LARP4B: variants seen among roughly 807,000 people sequenced by gnomAD.
The protein encoded by LARP4B is la-related protein 4B.
In LARP4B, 12 loss-of-function variants were observed where a neutral mutation model predicts 89.8. The ratio of observed to expected loss-of-function variants is 0.13; its 90% CI spans 0.09 to 0.22. The LOEUF (loss-of-function observed/expected upper bound fraction) is 0.22. Ranked by LOEUF, LARP4B falls within the 10% of genes least tolerant of loss-of-function variation. The pLI, the probability that LARP4B is intolerant of heterozygous loss-of-function variation, is 1.00. For synonymous variants in LARP4B, 367 were observed against 363.3 expected (o/e 1.01, Z -0.12); for missense variants, 757 against 947.7 (o/e 0.80, Z 2.64).
At chr10:984,725 C>G in the LARP4B span, among the ~76,000 whole-genome samples, 1 of 152,156 alleles carries the variant, frequency 6.6e-6, no homozygotes, top group Non-Finnish European at 1.5e-5. Context: ...CAATTCATGA[C>G]CAGCCTGGAC....
chr10:912,708 C>CAAAA (rs60998261), intron 1 of LARP4B, among the ~76,000 whole-genome samples: 106 of 91,228 alleles, frequency 1.2e-3, no homozygotes, highest in Non-Finnish European at 1.8e-3. Context: ...CTCGTCTTGA[C>CAAAA]AAAAAAAAAA....
At chr10:878,434 T>C (rs1265083777) in intron 3 of LARP4B, among the ~76,000 whole-genome samples, 1 of 152,014 alleles carries the variant, frequency 6.6e-6, no homozygotes, top group African/African-American at 2.4e-5. Context: ...CACCCCTGCG[T>C]GACTCATGTA....
chr10:858,924 G>A (rs1171110970), intron 5 of LARP4B, among the ~76,000 whole-genome samples: 3 of 152,214 alleles, frequency 2.0e-5, no homozygotes, highest in Non-Finnish European at 4.4e-5. Flanking sequence ...GGCCGAGGCA[G>A]ACAGATCACC....
chr10:973,593 T>C, the LARP4B span, among the ~76,000 whole-genome samples: 9 of 152,034 alleles, frequency 5.9e-5, no homozygotes, highest in African/African-American at 1.7e-4. Context: ...CCTCGTGGTC[T>C]CCCTGCCTCG....
At chr10:871,785 G>C (rs1383535063) in intron 3 of LARP4B, among the ~76,000 whole-genome samples, 1 of 152,066 alleles carries the variant, frequency 6.6e-6, no homozygotes, top group East Asian at 1.9e-4. Flanking sequence ...ATTCTATCTA[G>C]ACCAACAGGA....
At position 923,906 on chromosome 10, in the gene LARP4B, AC is replaced by A. The variant is rs545473540; in HGVS notation, c.-40+7521del. Reference sequence around the variant, plus strand: ...ATCTGAAATAACAAATATACTTTAAACAACTGGCAAATATTAGCAAATTTAA... The same window carrying A: ...ATCTGAAATAACAAATATACTTTAAAAACTGGCAAATATTAGCAAATTTAA... On this transcript the variant is annotated intron_variant, in intron 1 of 17. Coordinates refer to ENST00000316157, the MANE Select transcript of LARP4B (RefSeq NM_015155.3). Among the ~76,000 whole-genome samples the A allele has an allele frequency of 1.5e-4, 23 of 152,340 alleles. No homozygotes were observed. In the East Asian group the frequency reaches 4.2e-3, roughly 28 times the overall value.
At chr10:863,701 G>C in intron 5 of LARP4B, 42 bp downstream of exon 5, 1 of 1,545,576 alleles carries the variant, frequency 6.5e-7, no homozygotes, top group Non-Finnish European at 8.7e-7. Flanking sequence ...AAATAAAGCA[G>C]CCCATATTCC....
In LARP4B at chr10:836,526, C is replaced by G. The variant is rs1833226169; in HGVS notation, c.647-20G>C. ...GTAAAGCTACAAAGAGAAGAAAAAT[C>G]AATGGTGAAACAAAAATATTAAAAT... On this transcript the variant is annotated intron_variant, in intron 7 of 17. Transcript: ENST00000316157. 9 of 1,475,052 alleles carry G rather than the reference C, an allele frequency of 6.1e-6. No individual in the cohort carries two copies. The highest frequency in any genetic ancestry group is 8.5e-6 in the Non-Finnish European group (9 of 1,057,524). 91.4% of individuals were successfully genotyped at this position (1,475,052 alleles called of 1,614,324 possible).
At chr10:927,388 A>G (rs1397233929) in intron 1 of LARP4B, among the ~76,000 whole-genome samples, 1 of 152,170 alleles carries the variant, frequency 6.6e-6, no homozygotes, top group Non-Finnish European at 1.5e-5. Flanking sequence ...AAGCATTAGA[A>G]CGTTAGGGGA....
chr10:826,483 G>T (rs1832630861), intron 11 of LARP4B, among the ~76,000 whole-genome samples: 1 of 152,190 alleles, frequency 6.6e-6, no homozygotes, highest in African/African-American at 2.4e-5. Flanking sequence ...ACCCCTAAAA[G>T]ATCTTAAGTA....
intron 7 of LARP4B, among the ~76,000 whole-genome samples, chr10:840,293 G>A (rs1369568625): frequency 6.6e-6 from 1 of 151,950 alleles, no homozygotes; most frequent in Non-Finnish European, 1.5e-5. Context: ...TTCATGCCTC[G>A]CCCAACTCAC....
chr10:915,516 T>G (rs1008750231), intron 1 of LARP4B, among the ~76,000 whole-genome samples: 1 of 152,200 alleles, frequency 6.6e-6, no homozygotes, highest in Non-Finnish European at 1.5e-5. Context: ...AAAGTTTTTG[T>G]TTTTTTGGCC....
intron 1 of LARP4B, among the ~76,000 whole-genome samples, chr10:904,772 C>T (rs1450283423): frequency 6.6e-6 from 1 of 152,134 alleles, no homozygotes; most frequent in African/African-American, 2.4e-5. Flanking sequence ...ATCATTTCCT[C>T]ACTGTATTAA....
intron 13 of LARP4B, among the ~76,000 whole-genome samples, chr10:821,155 T>G (rs1415148641): frequency 6.6e-6 from 1 of 152,212 alleles, no homozygotes; most frequent in Admixed American, 6.5e-5. Context: ...GAACATCCAC[T>G]GGGTGGAAAT....
At chr10:942,222 A>G in the LARP4B span, 2 of 152,244 alleles carry the variant, frequency 1.3e-5, no homozygotes, top group Non-Finnish European at 2.9e-5. Context: ...TGATGGAGAC[A>G]GCTCAGGAAT....
chr10:910,179 T>C (rs79427991), intron 1 of LARP4B, among the ~76,000 whole-genome samples: 7,017 of 152,296 alleles, frequency 0.046, 216 homozygotes, highest in South Asian at 0.11. Flanking sequence ...TTATGTTATT[T>C]TGATGTACAT....
chr10:970,053 G>A, the LARP4B span, among the ~76,000 whole-genome samples: 5 of 152,202 alleles, frequency 3.3e-5, no homozygotes, highest in African/African-American at 7.2e-5. Context: ...TCCCAGGGCC[G>A]TCGGGCAGTG....
intron 5 of LARP4B, among the ~76,000 whole-genome samples, chr10:854,013 A>G (rs1230760382): frequency 6.6e-6 from 1 of 152,238 alleles, no homozygotes; most frequent in Non-Finnish European, 1.5e-5. Context: ...GGAATATTCT[A>G]AATCCTTTGT....
rs775776604 is a variant in LARP4B, at chr10:829,427, G to C, written c.1083C>G (p.Pro361=). The change falls in exon 11 of 18, where the codon CCC becomes CCG. Residue 361 remains proline (P), a synonymous_variant. Transcript: ENST00000316157. The part of the protein sequence containing the change: ...QQFPLYSLIT[P]QTWSATHSYL... ...AGCTGTGCGTTGCTGACCACGTCTG[G>C]GGAGTGATCAGGCTGTACAGGGGGA... The C allele has an allele frequency of 6.2e-7, 1 of 1,613,648 alleles. No individual in the cohort carries two copies.
Sources: gnomAD v4.1 joint callset for allele counts (sites outside exome capture counted in the v4.1 genomes callset) on GRCh38, gnomAD v4.1.1 for gene constraint, MANE v1.5 for transcripts, NCBI Gene and HGNC (gene_info 2026-07-23, HGNC 2026-07-21) for gene names.